The following TRIM44 variants were observed in gnomAD, a reference collection of about 807,000 sequenced individuals.
The protein encoded by TRIM44 is tripartite motif containing 44, also known as tripartite motif-containing protein 44.
TRIM44 carries 13 observed loss-of-function variants against 37.4 expected under a neutral mutation model. That is an observed-to-expected ratio of 0.35 (90% CI 0.23 to 0.55). The LOEUF is 0.55. Among genes scored for constraint, TRIM44 ranks in the 20% least tolerant of loss-of-function variants. The pLI is 0.89. For synonymous variants in TRIM44, 175 were observed against 157.2 expected (o/e 1.11, Z -0.85); for missense variants, 426 against 437.2 (o/e 0.97, Z 0.23).
chr11:35,695,881 AG>A (rs1400115052), intron 2 of TRIM44, among the ~76,000 whole-genome samples: 1 of 149,234 alleles, frequency 6.7e-6, no homozygotes, highest in East Asian at 2.0e-4. Flanking sequence ...AATCTGAAGA[AG>A]ATTAAACTTT....
intron 4 of TRIM44, among the ~76,000 whole-genome samples, chr11:35,779,397 G>A (rs1267318293): frequency 6.6e-5 from 10 of 152,056 alleles, no homozygotes; most frequent in South Asian, 4.1e-4. Context: ...TGCTCCCTGG[G>A]TGAGGCAATG....
intron 4 of TRIM44, among the ~76,000 whole-genome samples, chr11:35,754,957 A>G (rs1432128342): frequency 3.9e-5 from 6 of 152,214 alleles, no homozygotes; most frequent in Non-Finnish European, 5.9e-5. Flanking sequence ...TAGTGCTGCA[A>G]TAAACATACA....
Position 35,725,931 on chromosome 11 carries a change from G to A in TRIM44, c.755G>A (p.Arg252Gln), listed in dbSNP as rs149318521. Residue 252 changes from arginine to glutamine, a missense_variant, in exon 3 of 5, where the codon CGG becomes CAG. Arg to Gln is a conservative substitution (Grantham distance 43, BLOSUM62 1). Around this residue, in one of 2 missense-constraint regions of TRIM44, gnomAD observed 95 missense variants for 134.2 expected, o/e 0.71. Coordinates refer to ENST00000299413, the MANE Select transcript of TRIM44 (RefSeq NM_017583.6). Reference protein sequence around the residue: ...KFKSSDPKVTRDQMKMFIQQE... With the variant: ...KFKSSDPKVTQDQMKMFIQQE... Reference sequence around the variant, plus strand: ...TTTGTCTCTGTTCTAAAGGTAACTCGGGACCAAATGAAGATGTTTATACAG... The same window carrying A: ...TTTGTCTCTGTTCTAAAGGTAACTCAGGACCAAATGAAGATGTTTATACAG... 13 of 1,613,732 alleles carry A rather than the reference G, an allele frequency of 8.1e-6. No homozygotes were observed. Among genetic ancestry groups the A allele is most frequent in the South Asian group, 5.5e-5 (5 of 91,014 alleles).
chr11:35,664,532 A>G (rs1037960985), intron 1 of TRIM44, among the ~76,000 whole-genome samples: 37 of 152,266 alleles, frequency 2.4e-4, no homozygotes, highest in African/African-American at 8.9e-4. Flanking sequence ...GGGAGGGGGA[A>G]ATTTTGAGTG....
At chr11:35,706,243 C>T (rs539050658) in intron 2 of TRIM44, among the ~76,000 whole-genome samples, 2 of 149,616 alleles carry the variant, frequency 1.3e-5, no homozygotes, top group South Asian at 2.1e-4. Flanking sequence ...AGACCAATAA[C>T]AGGCTCTGAA....
At chr11:35,725,487 C>T (rs1396594691) in intron 2 of TRIM44, among the ~76,000 whole-genome samples, 1 of 152,078 alleles carries the variant, frequency 6.6e-6, no homozygotes, top group Non-Finnish European at 1.5e-5. Context: ...GCACCCACCA[C>T]CATGCCCAGC....
At chr11:35,700,353 C>G (rs1274709632) in intron 2 of TRIM44, among the ~76,000 whole-genome samples, 1 of 152,186 alleles carries the variant, frequency 6.6e-6, no homozygotes, top group Admixed American at 6.5e-5. Flanking sequence ...CTTGTTCAAA[C>G]CTTTAGCTTA....
At chr11:35,792,111 A>ACTCTCTCT (rs775490025) in intron 4 of TRIM44, among the ~76,000 whole-genome samples, 37 of 114,308 alleles carry the variant, frequency 3.2e-4, no homozygotes, top group East Asian at 1.4e-3. Flanking sequence ...ACACACACAC[A>ACTCTCTCT]CTCTCTCTCA....
chr11:35,725,882 T>C (rs1266897733), intron 2 of TRIM44, 42 bp from the exon 3 acceptor site: 18 of 1,602,790 alleles, frequency 1.1e-5, no homozygotes, highest in Middle Eastern at 1.8e-4. Flanking sequence ...TTTGTTTCTT[T>C]GTATGTTCAA....
rs1261356034 is a variant in TRIM44 at position 35,742,442 on chromosome 11, A to AAATATAATTATATTAATTACAATT, written c.1007+7016_1007+7039dup. ...AATGTTAATATATTAATATTATATT[A>AAATATAATTATATTAATTACAATT]AATATAATTATATTAATTACAATTA... On this transcript the variant is annotated intron_variant, in intron 4 of 4. Coordinates refer to ENST00000299413, the MANE Select transcript of TRIM44 (RefSeq NM_017583.6). 6.0e-4 allele frequency among the ~76,000 whole-genome samples: 83 copies of AAATATAATTATATTAATTACAATT among 138,882 alleles called. 1 individual carries two copies. The highest frequency in any genetic ancestry group is 1.6e-3 in the African/African-American group (60 of 37,366). 91.1% of individuals were successfully genotyped at this position (138,882 alleles called of 152,430 possible).
In TRIM44 at chr11:35,704,560, C is replaced by G. The variant is rs565539050; in HGVS notation, c.747+19224C>G. 6.6e-5 allele frequency among the ~76,000 whole-genome samples: 10 copies of G among 152,336 alleles called. No individual in the cohort carries two copies. The South Asian group carries it at 2.1e-3, about 32-fold the overall frequency. Reference sequence around the variant, plus strand: ...GAAGCCCATCAGACTAACAGCGGATCTCTCGGCAGAAACTCTACAAGCCAG... The same window carrying G: ...GAAGCCCATCAGACTAACAGCGGATGTCTCGGCAGAAACTCTACAAGCCAG... On this transcript the variant is annotated intron_variant, in intron 2 of 4. Coordinates refer to ENST00000299413, the MANE Select transcript of TRIM44 (RefSeq NM_017583.6).
chr11:35,722,598 G>C (rs1297749573), intron 2 of TRIM44, among the ~76,000 whole-genome samples: 1 of 152,174 alleles, frequency 6.6e-6, no homozygotes, highest in Non-Finnish European at 1.5e-5. Context: ...CATGGTATTT[G>C]TAAACTGTCA....
chr11:35,760,833 T>A (rs974572946), intron 4 of TRIM44, among the ~76,000 whole-genome samples: 2 of 152,192 alleles, frequency 1.3e-5, no homozygotes, highest in Non-Finnish European at 2.9e-5. Context: ...TTTTCAGAAA[T>A]ACAGTATTTT....
rs12574380 is a variant in TRIM44, at chr11:35,720,003, A to G, written c.748-5921A>G. 7.5e-4 allele frequency among the ~76,000 whole-genome samples: 114 copies of G among 152,220 alleles called. No individual in the cohort carries two copies. The East Asian group carries it at 0.021, about 28-fold the overall frequency. ...TTCTTCGGCTTTGTTCTTCTTCAAT[A>G]TTGGGTTGACTGTTCTAGGTCTTTT... On this transcript the variant is annotated intron_variant, in intron 2 of 4. Coordinates refer to ENST00000299413, the MANE Select transcript of TRIM44 (RefSeq NM_017583.6).
At chr11:35,701,279 G>A (rs896620081) in intron 2 of TRIM44, among the ~76,000 whole-genome samples, 3 of 152,068 alleles carry the variant, frequency 2.0e-5, no homozygotes, top group Admixed American at 6.5e-5. Context: ...CCCCCGAAAC[G>A]GGGTCTTTTG....
chr11:35,756,701 A>C lies in TRIM44; in HGVS notation c.1007+21256A>C, dbSNP rs1363620564. Among the ~76,000 whole-genome samples, 7 of 152,270 alleles carry C rather than the reference A, an allele frequency of 4.6e-5. No individual in the cohort carries two copies. The South Asian group carries it at 8.3e-4, about 18-fold the overall frequency. On this transcript the variant is annotated intron_variant, in intron 4 of 4. Coordinates refer to ENST00000299413, the MANE Select transcript of TRIM44 (RefSeq NM_017583.6). ...TCCCATCAATACCTAATTTATTGAG[A>C]GTTTTTAGCATGAAGGGTTGTTGAA...
chr11:35,700,354 C>T (rs1335214473), intron 2 of TRIM44, among the ~76,000 whole-genome samples: 3 of 152,130 alleles, frequency 2.0e-5, no homozygotes, highest in Non-Finnish European at 4.4e-5. Flanking sequence ...TTGTTCAAAC[C>T]TTTAGCTTAT....
chr11:35,802,970 G>A (rs1372100565), intron 4 of TRIM44, among the ~76,000 whole-genome samples: 1 of 152,160 alleles, frequency 6.6e-6, no homozygotes, highest in East Asian at 1.9e-4. Context: ...GCAGGAGGAG[G>A]CAGGTTTTTA....
intron 3 of TRIM44, 26 bp from the exon 4 acceptor site, chr11:35,735,399 TA>T (rs754777003): frequency 6.2e-7 from 1 of 1,612,634 alleles, no homozygotes; most frequent in Non-Finnish European, 8.5e-7. Context: ...TGATTTCTAA[TA>T]CTGTTTCTTT....
Sources: allele counts gnomAD v4.1 joint callset (sites outside exome capture counted in the v4.1 genomes callset), GRCh38; gene constraint gnomAD v4.1.1; regional missense constraint gnomAD v4.1.1; transcripts MANE v1.5; gene names NCBI Gene and HGNC (gene_info 2026-07-23, HGNC 2026-07-21).